TENM2: variants seen among roughly 807,000 people sequenced by gnomAD.
The protein encoded by TENM2 is teneurin-2.
A neutral mutation model predicts 245.2 loss-of-function variants in TENM2; 52 were observed. That is an observed-to-expected ratio of 0.21 (90% confidence interval 0.17 to 0.27). The LOEUF (loss-of-function observed/expected upper bound fraction) is 0.27. Among genes scored for constraint, TENM2 ranks in the 10% least tolerant of loss-of-function variants. The pLI, the probability that TENM2 is intolerant of heterozygous loss-of-function variation, is 1.00. For missense variants in TENM2, 3,046 were observed against 3,666.8 expected, an observed-to-expected ratio of 0.83 and a Z score of 4.37; for synonymous variants, 1,363 against 1,438.9, an observed-to-expected ratio of 0.95 and a Z score of 1.19.
At position 167,868,963 on chromosome 5, in the gene TENM2, AT is replaced by A. The variant is rs560577463; in HGVS notation, c.503-7022del. ...CTGTTCTATGGGCTCTACATATAAC[AT>A]CTCCACTCTTCACAACAACATGTAG... is the stretch of plus-strand genomic sequence containing the variant. On this transcript the variant is annotated intron_variant, in intron 2 of 28. Transcript: ENST00000518659. Among the ~76,000 whole-genome samples, 494 of 152,140 alleles carry A rather than the reference AT, an allele frequency of 3.2e-3. 1 individual carries two copies. The highest frequency in any genetic ancestry group is 0.011 in the African/African-American group (454 of 41,490).
At chr5:167,374,788 T>G (rs2127309412) in intron 1 of TENM2, among the ~76,000 whole-genome samples, 1 of 152,172 alleles carries the variant, frequency 6.6e-6, no homozygotes, top group South Asian at 2.1e-4. Context: ...ACAAAAGGAT[T>G]ACAGTAATAT....
chr5:167,062,113 A>G, the TENM2 span, among the ~76,000 whole-genome samples: 2 of 152,138 alleles, frequency 1.3e-5, no homozygotes, highest in East Asian at 3.8e-4. Flanking sequence ...AGTGATTTCA[A>G]TGTTTAATTC....
intron 2 of TENM2, among the ~76,000 whole-genome samples, chr5:167,737,036 C>T (rs907822470): frequency 3.9e-5 from 6 of 152,296 alleles, no homozygotes; most frequent in Admixed American, 6.5e-5. Flanking sequence ...AGAAGCAGTC[C>T]GCCTCACACC....
intron 2 of TENM2, among the ~76,000 whole-genome samples, chr5:167,793,078 C>T (rs1765093517): frequency 1.3e-5 from 2 of 152,148 alleles, no homozygotes; most frequent in African/African-American, 4.8e-5. Flanking sequence ...GGTGAAAGAG[C>T]CTGTCCTTGC....
chr5:168,242,956 CAA>C (rs113157242), intron 25 of TENM2, among the ~76,000 whole-genome samples: 4,532 of 136,338 alleles, frequency 0.033, 86 homozygotes, highest in Middle Eastern at 0.047. Context: ...GACTCTATCT[CAA>C]AAAAAAAAAA....
At chr5:167,980,589 G>A (rs1019675151) in intron 4 of TENM2, among the ~76,000 whole-genome samples, 3 of 152,128 alleles carry the variant, frequency 2.0e-5, no homozygotes, top group Admixed American at 1.3e-4. Context: ...ATCACAAGAC[G>A]CCTTATAGGC....
At chr5:168,221,548 G>A (rs1307415252) in intron 23 of TENM2, among the ~76,000 whole-genome samples, 1 of 152,186 alleles carries the variant, frequency 6.6e-6, no homozygotes, top group Non-Finnish European at 1.5e-5. Flanking sequence ...TTTTTGGGAA[G>A]ATGTAACTCA....
intron 2 of TENM2, among the ~76,000 whole-genome samples, chr5:167,495,398 A>G (rs759714387): frequency 4.6e-5 from 7 of 152,028 alleles, no homozygotes; most frequent in Non-Finnish European, 1.0e-4. Flanking sequence ...CATAGTCTCC[A>G]GTCAAAAGAT....
intron 1 of TENM2, among the ~76,000 whole-genome samples, chr5:167,302,892 G>C (rs956422408): frequency 2.6e-5 from 4 of 152,166 alleles, no homozygotes; most frequent in Non-Finnish European, 4.4e-5. Flanking sequence ...AATCAGAGAG[G>C]TGTCCCTGCA....
At chr5:167,521,854 C>G (rs540027602) in intron 2 of TENM2, among the ~76,000 whole-genome samples, 1 of 152,126 alleles carries the variant, frequency 6.6e-6, no homozygotes, top group South Asian at 2.1e-4. Context: ...ACAAAAATTA[C>G]CTTTAGAAAT....
At chr5:167,213,825 G>C in the TENM2 span, among the ~76,000 whole-genome samples, 1 of 152,190 alleles carries the variant, frequency 6.6e-6, no homozygotes, top group Non-Finnish European at 1.5e-5. Flanking sequence ...TTAATTGCAT[G>C]AGTTTTGAAA....
chr5:167,388,136 G>C (rs111813656), intron 2 of TENM2, among the ~76,000 whole-genome samples: 2,275 of 152,112 alleles, frequency 0.015, 31 homozygotes, highest in Non-Finnish European at 0.024. Flanking sequence ...CTGTGAATCT[G>C]TCTGGTCCTG....
At chr5:167,123,996 A>G in the TENM2 span, among the ~76,000 whole-genome samples, 2 of 152,238 alleles carry the variant, frequency 1.3e-5, no homozygotes, top group South Asian at 2.1e-4. Context: ...AAAAAATTCA[A>G]TCAATATAAA....
intron 3 of TENM2, among the ~76,000 whole-genome samples, chr5:167,897,242 CTT>C (rs1026822185): frequency 1.3e-5 from 2 of 150,858 alleles, no homozygotes; most frequent in African/African-American, 4.9e-5. Flanking sequence ...TATTTCTACT[CTT>C]TCATTTGGCT....
At chr5:168,158,829 GTATATA>G (rs780328417) in intron 12 of TENM2, among the ~76,000 whole-genome samples, 18 of 63,738 alleles carry the variant, frequency 2.8e-4, no homozygotes, top group Middle Eastern at 0.01. Context: ...GTGTGTGTGT[GTATATA>G]TATATATATA....
chr5:167,151,206 A>G, the TENM2 span, among the ~76,000 whole-genome samples: 2 of 152,220 alleles, frequency 1.3e-5, no homozygotes, highest in Admixed American at 6.5e-5. Flanking sequence ...GTGGAGATCA[A>G]TTAAAAAGGA....
chr5:168,242,480 G>A (rs1399254547), intron 25 of TENM2, among the ~76,000 whole-genome samples: 2 of 152,228 alleles, frequency 1.3e-5, no homozygotes, highest in Non-Finnish European at 2.9e-5. Flanking sequence ...GAAGGCCTAA[G>A]TTCCAGACCA....
At chr5:168,066,730 A>C (rs1432806380) in intron 7 of TENM2, among the ~76,000 whole-genome samples, 1 of 152,172 alleles carries the variant, frequency 6.6e-6, no homozygotes, top group African/African-American at 2.4e-5. Flanking sequence ...TTCTTAGCCT[A>C]CTAACTCAAA....
chr5:167,717,890 A>G (rs1759373678), intron 2 of TENM2, among the ~76,000 whole-genome samples: 1 of 152,246 alleles, frequency 6.6e-6, no homozygotes, highest in Non-Finnish European at 1.5e-5. Context: ...CTAAAATACC[A>G]CAGTGTACTT....
Sources: gnomAD v4.1 joint callset for allele counts (sites outside exome capture counted in the v4.1 genomes callset) on GRCh38, gnomAD v4.1.1 for gene constraint, MANE v1.5 for transcripts, NCBI Gene and HGNC (gene_info 2026-07-23, HGNC 2026-07-21) for gene names.